The following SDC2 variants were observed in gnomAD, a reference collection of about 807,000 sequenced individuals.
SDC2 encodes the protein syndecan 2, also known as syndecan-2.
Under a neutral mutation model 22.2 loss-of-function variants are expected in SDC2, and 13 were observed. That is an observed-to-expected ratio of 0.59 (90% CI 0.38 to 0.93). The LOEUF is 0.93. Among genes scored for constraint, SDC2 ranks in the 40% least tolerant of loss-of-function variants. The pLI, the probability that SDC2 is intolerant of heterozygous loss-of-function variation, is 0.00. For missense variants in SDC2, 235 were observed against 246.8 expected (o/e 0.95, Z 0.32); for synonymous variants, 94 against 92.8 (o/e 1.01, Z -0.07).
At chr8:96,499,590 C>G (rs1162862255) in intron 1 of SDC2, among the ~76,000 whole-genome samples, 1 of 152,156 alleles carries the variant, frequency 6.6e-6, no homozygotes, top group Non-Finnish European at 1.5e-5. Context: ...TGTGTCAGAA[C>G]TTGGACAGTA....
chr8:96,501,508 A>C (rs568849929), intron 1 of SDC2, among the ~76,000 whole-genome samples: 1 of 151,712 alleles, frequency 6.6e-6, no homozygotes, highest in Non-Finnish European at 1.5e-5. Context: ...GGATTTCACC[A>C]TGTTGGCCAG....
chr8:96,583,389 CAT>C (rs3064979), intron 1 of SDC2, among the ~76,000 whole-genome samples: 53,266 of 116,628 alleles, frequency 0.46, 9,714 homozygotes, highest in South Asian at 0.52. Context: ...ATATATATGA[CAT>C]ATGTGTGTGT....
rs569097886 is a variant in SDC2 at position 96,520,608 on chromosome 8, G to A, written c.60+26277G>A. On this transcript the variant is annotated intron_variant, in intron 1 of 4. Transcript: ENST00000302190. ...AGCTAGCTAGAAAAAGCAAAACAGA[G>A]AAACCCATTGGCGTGTTGAGAGTTG... Among the ~76,000 whole-genome samples, 6 of 152,302 alleles carry A rather than the reference G, an allele frequency of 3.9e-5. No individual in the cohort carries two copies. The South Asian group carries it at 1.2e-3, about 32-fold the overall frequency.
At chr8:96,502,178 G>T (rs987543450) in intron 1 of SDC2, among the ~76,000 whole-genome samples, 3 of 152,170 alleles carry the variant, frequency 2.0e-5, no homozygotes, top group Non-Finnish European at 2.9e-5. Flanking sequence ...AGAAGCAAAG[G>T]CACGTCCTAC....
At chr8:96,593,754 T>TA (rs1442219397) in intron 2 of SDC2, among the ~76,000 whole-genome samples, 163 bp downstream of exon 2, 3 of 152,224 alleles carry the variant, frequency 2.0e-5, no homozygotes, top group African/African-American at 4.8e-5. Context: ...CTCTGCCACT[T>TA]ACGCTGTGAG....
chr8:96,576,735 A>G (rs1052483089), intron 1 of SDC2, among the ~76,000 whole-genome samples: 1 of 152,014 alleles, frequency 6.6e-6, no homozygotes, highest in Non-Finnish European at 1.5e-5. Flanking sequence ...CTTTATATAC[A>G]GCTTTTTTTT....
chr8:96,510,797 T>C (rs915845741), intron 1 of SDC2, among the ~76,000 whole-genome samples: 2 of 152,208 alleles, frequency 1.3e-5, no homozygotes, highest in African/African-American at 2.4e-5. Context: ...TTGGTGATGA[T>C]GGGGTTAAAG....
intron 1 of SDC2, among the ~76,000 whole-genome samples, chr8:96,538,015 T>G (rs1297285064): frequency 6.6e-6 from 1 of 152,164 alleles, no homozygotes; most frequent in East Asian, 1.9e-4. Flanking sequence ...CAGGCTGGAG[T>G]GCAGTAGTGC....
intron 1 of SDC2, among the ~76,000 whole-genome samples, chr8:96,535,543 C>T (rs1027769632): frequency 2.6e-5 from 4 of 152,158 alleles, no homozygotes; most frequent in Non-Finnish European, 5.9e-5. Flanking sequence ...CCTGTTTTGA[C>T]GAACTTAAAG....
At chr8:96,568,147 T>A (rs1814331619) in intron 1 of SDC2, among the ~76,000 whole-genome samples, 1 of 152,234 alleles carries the variant, frequency 6.6e-6, no homozygotes, top group Non-Finnish European at 1.5e-5. Flanking sequence ...ATAGGAGGGT[T>A]AAGCTAAGTA....
At chr8:96,577,939 A>G (rs905772055) in intron 1 of SDC2, among the ~76,000 whole-genome samples, 14 of 152,202 alleles carry the variant, frequency 9.2e-5, no homozygotes, top group African/African-American at 3.4e-4. Context: ...ATCGCCAATA[A>G]TATTCCATTG....
chr8:96,545,408 G>A (rs1813915247), intron 1 of SDC2, among the ~76,000 whole-genome samples: 1 of 152,138 alleles, frequency 6.6e-6, no homozygotes, highest in Non-Finnish European at 1.5e-5. Context: ...CAGGGAGACA[G>A]GGAAAAATTC....
At chr8:96,603,898 G>A (rs1286949150) in intron 3 of SDC2, among the ~76,000 whole-genome samples, 2 of 152,188 alleles carry the variant, frequency 1.3e-5, no homozygotes, top group African/African-American at 4.8e-5. Context: ...GCATGTGCTG[G>A]ATCCATGCAT....
chr8:96,571,535 G>A (rs954217083), intron 1 of SDC2, among the ~76,000 whole-genome samples: 1 of 152,192 alleles, frequency 6.6e-6, no homozygotes, highest in Non-Finnish European at 1.5e-5. Flanking sequence ...ATATGATTCA[G>A]CCTAATCTTG....
chr8:96,507,893 G>T (rs971893954), intron 1 of SDC2, among the ~76,000 whole-genome samples: 15 of 152,208 alleles, frequency 9.9e-5, no homozygotes, highest in Admixed American at 7.2e-4. Context: ...GCCGGCTGTG[G>T]TGGCTCACGC....
intron 1 of SDC2, among the ~76,000 whole-genome samples, chr8:96,534,618 G>T (rs890599826): frequency 2.0e-5 from 3 of 151,140 alleles, no homozygotes; most frequent in Non-Finnish European, 4.4e-5. Context: ...TTTATTTTTT[G>T]TAGAGACGAG....
intron 1 of SDC2, among the ~76,000 whole-genome samples, chr8:96,511,650 T>C (rs989733999): frequency 6.6e-6 from 1 of 152,150 alleles, no homozygotes; most frequent in African/African-American, 2.4e-5. Flanking sequence ...CAGGACCATT[T>C]CATCGAGTGA....
intron 1 of SDC2, among the ~76,000 whole-genome samples, chr8:96,540,074 A>G (rs567784695): frequency 6.6e-6 from 1 of 150,780 alleles, no homozygotes; most frequent in Non-Finnish European, 1.5e-5. Flanking sequence ...AGGAAGAAAA[A>G]TGTAGTGTTC....
intron 1 of SDC2, among the ~76,000 whole-genome samples, chr8:96,502,722 C>T (rs1813184838): frequency 6.6e-6 from 1 of 152,126 alleles, no homozygotes; most frequent in South Asian, 2.1e-4. Context: ...ATTATGTAAC[C>T]TTGGGCAAGT....
Sources: allele counts gnomAD v4.1 joint callset (sites outside exome capture counted in the v4.1 genomes callset), GRCh38; gene constraint gnomAD v4.1.1; transcripts MANE v1.5; gene names NCBI Gene and HGNC (gene_info 2026-07-23, HGNC 2026-07-21).